SLC1A2: variants seen among roughly 807,000 people sequenced by gnomAD.
SLC1A2 encodes the protein excitatory amino acid transporter 2.
In SLC1A2, 15 loss-of-function variants were observed where a neutral mutation model predicts 48.8. The observed-to-expected ratio is 0.31, with a 90% confidence interval of 0.21 to 0.47. The LOEUF is 0.47. Among genes scored for constraint, SLC1A2 ranks in the 20% least tolerant of loss-of-function variants. SLC1A2 has a pLI of 0.99. For missense variants in SLC1A2, 502 were observed against 730.5 expected (o/e 0.69, Z 3.61); for synonymous variants, 279 against 272.6 (o/e 1.02, Z -0.23).
At chr11:35,285,814 T>C (rs779993399) in intron 8 of SLC1A2, 14 of 152,218 alleles carry the variant, frequency 9.2e-5, no homozygotes, top group Non-Finnish European at 1.9e-4. Flanking sequence ...ATCCATGAAC[T>C]ACCAACTTTT....
At chr11:35,274,487 C>A (rs1198381496) in intron 9 of SLC1A2, among the ~76,000 whole-genome samples, 5 of 152,144 alleles carry the variant, frequency 3.3e-5, no homozygotes, top group Admixed American at 3.3e-4. Flanking sequence ...CCCCTAAAAT[C>A]TTCAAAGAAA....
chr11:35,281,002 C>T lies in SLC1A2; in HGVS notation c.1287-1G>A. The T allele has an allele frequency of 6.2e-7, 1 of 1,604,580 alleles. No homozygotes were observed. The highest frequency in any genetic ancestry group is 8.5e-7 in the Non-Finnish European group (1 of 1,176,064). ...GACGCTTGCCAGGGTGGCTGTGAGG[C>T]TATGAGAACAGAGAAGTTCAGGTCA... On this transcript the variant is annotated splice_acceptor_variant, in intron 8 of 10. Transcript: ENST00000278379. LOFTEE classifies it high-confidence loss of function.
intron 1 of SLC1A2, among the ~76,000 whole-genome samples, chr11:35,407,945 C>T (rs771468687): frequency 2.0e-5 from 3 of 152,210 alleles, no homozygotes; most frequent in African/African-American, 4.8e-5. Flanking sequence ...ATAAAGGCCC[C>T]GGCCTGTCAT....
At chr11:35,312,657 T>C (rs1565234454) in intron 3 of SLC1A2, among the ~76,000 whole-genome samples, 1 of 152,238 alleles carries the variant, frequency 6.6e-6, no homozygotes, top group East Asian at 1.9e-4. Flanking sequence ...AAGTTTCTTC[T>C]GTAAAATGGT....
At chr11:35,401,802 G>A (rs1057150339) in intron 1 of SLC1A2, among the ~76,000 whole-genome samples, 1 of 151,988 alleles carries the variant, frequency 6.6e-6, no homozygotes. Context: ...TTAAAGTGTT[G>A]GAAACCTTAA....
At chr11:35,288,970 C>A (rs1018828660) in intron 7 of SLC1A2, among the ~76,000 whole-genome samples, 1 of 152,208 alleles carries the variant, frequency 6.6e-6, no homozygotes, top group Non-Finnish European at 1.5e-5. Context: ...ATTTTAATTT[C>A]AAGCTTTCCT....
chr11:35,410,066 C>G (rs951081481), intron 1 of SLC1A2, among the ~76,000 whole-genome samples: 6 of 151,916 alleles, frequency 3.9e-5, no homozygotes, highest in Non-Finnish European at 7.4e-5. Context: ...CGGAGATAGT[C>G]TTTTACTTTT....
intron 1 of SLC1A2, among the ~76,000 whole-genome samples, chr11:35,360,963 C>T (rs1340581553): frequency 6.6e-6 from 1 of 152,074 alleles, no homozygotes; most frequent in Non-Finnish European, 1.5e-5. Context: ...GCAACGTCCA[C>T]CTCCCGGGCT....
At chr11:35,286,991 C>T in intron 7 of SLC1A2, 40 bp from the exon 8 acceptor site, 1 of 1,525,996 alleles carries the variant, frequency 6.6e-7, no homozygotes, top group Non-Finnish European at 9.1e-7. Context: ...GTTATGTCCA[C>T]TTTAGAGAAG....
intron 9 of SLC1A2, among the ~76,000 whole-genome samples, chr11:35,269,905 T>C (rs1850231931): frequency 6.6e-6 from 1 of 151,588 alleles, no homozygotes; most frequent in African/African-American, 2.4e-5. Context: ...AGGTCAGGAG[T>C]GCAAGACCAC....
chr11:35,351,689 G>A (rs572167067), intron 1 of SLC1A2, among the ~76,000 whole-genome samples: 2 of 152,212 alleles, frequency 1.3e-5, no homozygotes, highest in African/African-American at 2.4e-5. Context: ...AGGCCAGAGT[G>A]CAGTGGCACA....
At chr11:35,396,867 A>G (rs1026293366) in intron 1 of SLC1A2, among the ~76,000 whole-genome samples, 30 of 151,948 alleles carry the variant, frequency 2.0e-4, no homozygotes, top group Non-Finnish European at 4.3e-4. Flanking sequence ...AATCACAAGC[A>G]TTCTTATACA....
chr11:35,406,872 A>G (rs1855312014), intron 1 of SLC1A2, among the ~76,000 whole-genome samples: 1 of 152,198 alleles, frequency 6.6e-6, no homozygotes, highest in Admixed American at 6.5e-5. Context: ...CCTGAAATAG[A>G]AACATACATT....
At chr11:35,331,763 T>A (rs1383842153) in intron 1 of SLC1A2, among the ~76,000 whole-genome samples, 1 of 152,236 alleles carries the variant, frequency 6.6e-6, no homozygotes, top group Non-Finnish European at 1.5e-5. Flanking sequence ...GACTCTTTGA[T>A]GTTGTCTCTT....
chr11:35,397,018 GAAAT>G (rs1361085328), intron 1 of SLC1A2, among the ~76,000 whole-genome samples: 2 of 150,188 alleles, frequency 1.3e-5, no homozygotes, highest in East Asian at 3.9e-4. Flanking sequence ...ACTGCTCAAA[GAAAT>G]AAAAGAGGAT....
chr11:35,414,089 G>A (rs1482943797), intron 1 of SLC1A2, among the ~76,000 whole-genome samples: 1 of 152,144 alleles, frequency 6.6e-6, no homozygotes, highest in Non-Finnish European at 1.5e-5. Context: ...TTCTTGCTCA[G>A]TGAGTCCATA....
intron 1 of SLC1A2, among the ~76,000 whole-genome samples, chr11:35,401,338 T>G (rs538155686): frequency 2.0e-5 from 3 of 152,358 alleles, no homozygotes; most frequent in Admixed American, 6.5e-5. Flanking sequence ...TTTCAAAATA[T>G]GTTGAAAATA....
At chr11:35,311,859 AGATAGAT>A in intron 4 of SLC1A2, among the ~76,000 whole-genome samples, 2 of 114,832 alleles carry the variant, frequency 1.7e-5, no homozygotes, top group Non-Finnish European at 3.4e-5. Flanking sequence ...GGAAAGGAAG[AGATAGAT>A]ATAAGGAGAG....
intron 1 of SLC1A2, among the ~76,000 whole-genome samples, chr11:35,347,927 G>A (rs905026336): frequency 2.6e-4 from 39 of 152,214 alleles, no homozygotes; most frequent in Non-Finnish European, 4.8e-4. Flanking sequence ...GGACAAAGAA[G>A]CTGGTTGTTG....
Sources: allele counts gnomAD v4.1 joint callset (sites outside exome capture counted in the v4.1 genomes callset), GRCh38; gene constraint gnomAD v4.1.1; transcripts MANE v1.5; gene names NCBI Gene and HGNC (gene_info 2026-07-23, HGNC 2026-07-21).